TMEM132C: variants seen among roughly 807,000 people sequenced by gnomAD.
The protein encoded by TMEM132C is transmembrane protein 132C.
In TMEM132C, 29 loss-of-function variants were observed where a neutral mutation model predicts 61.4. The observed-to-expected ratio is 0.47, with a 90% CI of 0.35 to 0.64. TMEM132C has a LOEUF of 0.64. TMEM132C is among the 30% of genes least tolerant of loss of function. The probability of loss-of-function intolerance (pLI) is 0.00; values close to 1 mark genes in which losing one functional copy is unlikely to be tolerated. For missense variants in TMEM132C, 1,408 were observed against 1,476.9 expected (o/e 0.95, Z 0.76); for synonymous variants, 656 against 633.1 (o/e 1.04, Z -0.54).
intron 2 of TMEM132C, among the ~76,000 whole-genome samples, chr12:128,503,047 T>G (rs1325152423): frequency 6.6e-6 from 1 of 152,216 alleles, no homozygotes; most frequent in African/African-American, 2.4e-5. Flanking sequence ...GGCTAAAATG[T>G]GTCTCATTAT....
At position 128,271,265 on chromosome 12, in the gene TMEM132C, AAT is replaced by A. The variant is rs1491292897; in HGVS notation, c.85+3782_85+3783del. On this transcript the variant is annotated intron_variant, in intron 1 of 8. Transcript: ENST00000435159. ...TAAGACTTGGTCTCAAAATAATAAT[AAT>A]ATAATAATAATAATAATAATAATAA... is the stretch of plus-strand genomic sequence containing the variant. Among the ~76,000 whole-genome samples the A allele has an allele frequency of 2.5e-3, 226 of 91,572 alleles. 2 individuals are homozygous for A. The highest frequency in any genetic ancestry group is 0.016 in the South Asian group (46 of 2,934). 60.1% of individuals were successfully genotyped at this position (91,572 alleles called of 152,430 possible). A position where few individuals can be genotyped will look rare whatever the true frequency, so the allele number is the denominator to read the frequency against.
intron 1 of TMEM132C, among the ~76,000 whole-genome samples, chr12:128,272,549 G>A (rs1255023218): frequency 6.6e-6 from 1 of 152,184 alleles, no homozygotes; most frequent in African/African-American, 2.4e-5. Flanking sequence ...TTGCTAGGTT[G>A]TATGCAGACT....
At chr12:128,551,222 C>A (rs532821139) in intron 3 of TMEM132C, among the ~76,000 whole-genome samples, 2 of 151,320 alleles carry the variant, frequency 1.3e-5, no homozygotes, top group Non-Finnish European at 2.9e-5. Context: ...CCCCCCCTCC[C>A]GCTTCCTCCC....
At chr12:128,668,842 T>C (rs1954502594) in intron 4 of TMEM132C, among the ~76,000 whole-genome samples, 1 of 152,092 alleles carries the variant, frequency 6.6e-6, no homozygotes, top group Non-Finnish European at 1.5e-5. Context: ...CTGCAACATC[T>C]CCTCCTCCTC....
At chr12:128,408,504 G>A (rs1223061231) in intron 1 of TMEM132C, among the ~76,000 whole-genome samples, 1 of 152,118 alleles carries the variant, frequency 6.6e-6, no homozygotes, top group Non-Finnish European at 1.5e-5. Flanking sequence ...AGATTTAAGA[G>A]TATTTTTTTG....
At chr12:128,322,365 G>A (rs1048703958) in intron 1 of TMEM132C, among the ~76,000 whole-genome samples, 10 of 152,234 alleles carry the variant, frequency 6.6e-5, no homozygotes, top group African/African-American at 2.2e-4. Flanking sequence ...TGGAGCTGAG[G>A]CAAGACGTCC....
intron 2 of TMEM132C, among the ~76,000 whole-genome samples, chr12:128,421,530 T>C (rs555934682): frequency 6.6e-6 from 1 of 152,220 alleles, no homozygotes; most frequent in Non-Finnish European, 1.5e-5. Flanking sequence ...TTCTTGGAAA[T>C]GTTTATGGGA....
At chr12:128,574,797 A>G (rs944245745) in intron 3 of TMEM132C, among the ~76,000 whole-genome samples, 1 of 152,196 alleles carries the variant, frequency 6.6e-6, no homozygotes, top group East Asian at 1.9e-4. Flanking sequence ...GAGTTTCTTC[A>G]CTGAATTTGG....
chr12:128,622,361 AT>A (rs373281187), intron 4 of TMEM132C, among the ~76,000 whole-genome samples: 9,486 of 37,740 alleles, frequency 0.25, 1,438 homozygotes, highest in African/African-American at 0.43. Context: ...AAAAAAAAAA[AT>A]ATATATATAT....
At chr12:128,457,363 GGA>G (rs999167736) in intron 2 of TMEM132C, among the ~76,000 whole-genome samples, 4 of 150,434 alleles carry the variant, frequency 2.7e-5, no homozygotes, top group African/African-American at 9.8e-5. Flanking sequence ...CATGAGGTCA[GGA>G]GATCAAGACC....
intron 4 of TMEM132C, among the ~76,000 whole-genome samples, chr12:128,652,506 A>G (rs1343594381): frequency 6.6e-6 from 1 of 152,242 alleles, no homozygotes; most frequent in African/African-American, 2.4e-5. Context: ...ATGAGACACC[A>G]TCCAAGAACG....
intron 3 of TMEM132C, among the ~76,000 whole-genome samples, chr12:128,572,789 C>T (rs1308544701): frequency 1.3e-5 from 2 of 152,220 alleles, no homozygotes; most frequent in Non-Finnish European, 2.9e-5. Context: ...CTCCGATTGG[C>T]CAGGCCTGGG....
intron 1 of TMEM132C, among the ~76,000 whole-genome samples, chr12:128,396,173 T>C (rs994312584): frequency 2.9e-5 from 4 of 135,770 alleles, no homozygotes; most frequent in African/African-American, 1.3e-4. Context: ...CAAATACTTG[T>C]GGTTATTTGT....
chr12:128,335,344 T>C (rs2135948950), intron 1 of TMEM132C, among the ~76,000 whole-genome samples: 1 of 152,360 alleles, frequency 6.6e-6, no homozygotes, highest in South Asian at 2.1e-4. Context: ...TAACTGTAAA[T>C]TTGCGTTTAT....
chr12:128,304,604 G>A (rs967435530), intron 1 of TMEM132C, among the ~76,000 whole-genome samples: 15 of 147,868 alleles, frequency 1.0e-4, no homozygotes, highest in African/African-American at 2.2e-4. Flanking sequence ...GCAAGCCTCC[G>A]TCTCAAAAAA....
At position 128,494,064 on chromosome 12, in the gene TMEM132C, T is replaced by C. The variant is rs186527163; in HGVS notation, c.975-49893T>C. 8.9e-3 allele frequency among the ~76,000 whole-genome samples: 1,351 copies of C among 152,330 alleles called. 9 individuals carry two copies. The highest frequency in any genetic ancestry group is 0.013 in the Non-Finnish European group (860 of 68,036). On this transcript the variant is annotated intron_variant, in intron 2 of 8. Transcript: ENST00000435159. ...ATTGAGAGTTTTTAGCATGAAGGGC[T>C]GTTGAATTTTGTCAAAGGCCTTTTC... is the stretch of plus-strand genomic sequence containing the variant.
At chr12:128,502,100 C>A (rs2136109752) in intron 2 of TMEM132C, among the ~76,000 whole-genome samples, 1 of 152,358 alleles carries the variant, frequency 6.6e-6, no homozygotes, top group East Asian at 1.9e-4. Context: ...GGAAATCTCC[C>A]TGAGTGGTTG....
intron 2 of TMEM132C, among the ~76,000 whole-genome samples, chr12:128,448,593 C>A (rs1178349443): frequency 6.6e-6 from 1 of 152,128 alleles, no homozygotes; most frequent in Non-Finnish European, 1.5e-5. Flanking sequence ...GCTTTTGCCA[C>A]CTTCTTTCGG....
intron 1 of TMEM132C, among the ~76,000 whole-genome samples, chr12:128,362,816 A>T (rs1247607729): frequency 6.6e-6 from 1 of 152,244 alleles, no homozygotes; most frequent in Non-Finnish European, 1.5e-5. Flanking sequence ...TGAGTCTGCA[A>T]ATCTTGCAAA....
Sources: allele counts gnomAD v4.1 joint callset (sites outside exome capture counted in the v4.1 genomes callset), GRCh38; gene constraint gnomAD v4.1.1; transcripts MANE v1.5; gene names NCBI Gene and HGNC (gene_info 2026-07-23, HGNC 2026-07-21).